CAMTA1: variants seen among roughly 807,000 people sequenced by gnomAD.
CAMTA1 encodes calmodulin-binding transcription activator 1.
In CAMTA1, 27 loss-of-function variants were observed where a neutral mutation model predicts 170.9. That is an observed-to-expected ratio of 0.16 (90% confidence interval 0.12 to 0.22). The LOEUF is 0.22. CAMTA1 is among the 10% of genes least tolerant of loss of function. The pLI is 1.00. For missense variants in CAMTA1, 1,619 were observed against 2,217.2 expected (o/e 0.73, Z 5.42); for synonymous variants, 833 against 891.5 (o/e 0.93, Z 1.17).
At chr1:7,589,605 A>C (rs2095340019) in intron 6 of CAMTA1, among the ~76,000 whole-genome samples, 1 of 151,808 alleles carries the variant, frequency 6.6e-6, no homozygotes, top group Non-Finnish European at 1.5e-5. Context: ...CCTTCCCTCG[A>C]CCTCTGTCGC....
At chr1:7,117,745 A>G (rs1336888957) in intron 4 of CAMTA1, among the ~76,000 whole-genome samples, 1 of 152,138 alleles carries the variant, frequency 6.6e-6, no homozygotes, top group South Asian at 2.1e-4. Context: ...AGCATATCTC[A>G]GCCATAATTG....
chr1:7,295,935 CAGGGCT>C (rs1673865196), intron 5 of CAMTA1, among the ~76,000 whole-genome samples: 1 of 152,242 alleles, frequency 6.6e-6, no homozygotes, highest in Non-Finnish European at 1.5e-5. Flanking sequence ...TCCTCCCACT[CAGGGCT>C]CCTTACAAGG....
intron 5 of CAMTA1, among the ~76,000 whole-genome samples, chr1:7,330,076 G>A (rs1340668778): frequency 6.6e-6 from 1 of 152,106 alleles, no homozygotes; most frequent in Non-Finnish European, 1.5e-5. Context: ...CAGCAGACAT[G>A]GAGATAGGAC....
chr1:7,480,106 A>AGC (rs1553177079), intron 6 of CAMTA1, among the ~76,000 whole-genome samples: 2 of 80,210 alleles, frequency 2.5e-5, no homozygotes, highest in African/African-American at 1.5e-4. Flanking sequence ...TGTGTGTGAG[A>AGC]GCGTGTGTGT....
At chr1:7,204,809 CT>C (rs61639082) in intron 4 of CAMTA1, among the ~76,000 whole-genome samples, 64,511 of 120,534 alleles carry the variant, frequency 0.54, 16,466 homozygotes, top group East Asian at 0.62. Context: ...GTCAGAGTTT[CT>C]TTTTTTTTTT....
At chr1:7,423,236 C>T (rs1161450615) in intron 5 of CAMTA1, among the ~76,000 whole-genome samples, 3 of 152,190 alleles carry the variant, frequency 2.0e-5, no homozygotes, top group South Asian at 2.1e-4. Context: ...TTTGGGAGGC[C>T]GAGGCAGGTG....
intron 3 of CAMTA1, among the ~76,000 whole-genome samples, chr1:6,941,848 A>G (rs931670130): frequency 6.6e-6 from 1 of 152,226 alleles, no homozygotes; most frequent in Non-Finnish European, 1.5e-5. Context: ...TGTGTCCACT[A>G]TAGGCATGGC....
At chr1:7,518,560 C>T (rs2094318682) in intron 6 of CAMTA1, among the ~76,000 whole-genome samples, 1 of 152,112 alleles carries the variant, frequency 6.6e-6, no homozygotes, top group East Asian at 1.9e-4. Context: ...AGCGTGTTGT[C>T]GGGCCGCCTT....
At chr1:7,351,607 C>T (rs887578496) in intron 5 of CAMTA1, among the ~76,000 whole-genome samples, 1 of 152,176 alleles carries the variant, frequency 6.6e-6, no homozygotes, top group African/African-American at 2.4e-5. Context: ...GGAGGCAGGC[C>T]ATTCGGGGTG....
intron 5 of CAMTA1, among the ~76,000 whole-genome samples, chr1:7,413,441 G>T (rs1302491170): frequency 6.6e-6 from 1 of 152,090 alleles, no homozygotes. Context: ...TTGAGCAGTG[G>T]TTTGTAGTTC....
chr1:6,952,074 A>T (rs1293961527), intron 3 of CAMTA1, among the ~76,000 whole-genome samples: 1 of 152,150 alleles, frequency 6.6e-6, no homozygotes, highest in Non-Finnish European at 1.5e-5. Flanking sequence ...CCTTCTGTCA[A>T]TGGTGACAGT....
intron 5 of CAMTA1, among the ~76,000 whole-genome samples, chr1:7,295,134 C>A (rs547986482): frequency 4.9e-4 from 74 of 152,270 alleles, no homozygotes; most frequent in African/African-American, 1.4e-3. Context: ...AGTTATGTAA[C>A]CTTCTGGCTT....
At chr1:7,424,431 T>C (rs929352696) in intron 5 of CAMTA1, among the ~76,000 whole-genome samples, 5 of 142,664 alleles carry the variant, frequency 3.5e-5, no homozygotes, top group African/African-American at 7.7e-5. Context: ...CATTCCTGTT[T>C]TGGCCACGCT....
intron 3 of CAMTA1, among the ~76,000 whole-genome samples, chr1:7,074,175 G>T (rs897776889): frequency 2.0e-5 from 3 of 152,138 alleles, no homozygotes; most frequent in South Asian, 2.1e-4. Context: ...CCCCATTTTG[G>T]CAGTTGTGAA....
At chr1:7,069,663 C>T (rs566529713) in intron 3 of CAMTA1, among the ~76,000 whole-genome samples, 28 of 152,102 alleles carry the variant, frequency 1.8e-4, no homozygotes, top group Non-Finnish European at 3.7e-4. Context: ...AGAGCCTGGA[C>T]AGCAGGCTCT....
chr1:7,524,349 A>C (rs556926637), intron 6 of CAMTA1, among the ~76,000 whole-genome samples: 1 of 152,318 alleles, frequency 6.6e-6, no homozygotes, highest in Non-Finnish European at 1.5e-5. Context: ...CTCCAGCTTT[A>C]CTGGATTCAC....
rs1691313853 is a variant in CAMTA1 at position 6,965,223 on chromosome 1, G to A, written c.235-126081G>A. Among the ~76,000 whole-genome samples the A allele has an allele frequency of 6.6e-6, 1 of 152,126 alleles. No homozygotes were observed. Among genetic ancestry groups the A allele is most frequent in the South Asian group, 2.1e-4 (1 of 4,822 alleles). On this transcript the variant is annotated intron_variant, in intron 3 of 22. Transcript: ENST00000303635. This position sits in a 1 kb window ranked among gnomAD's most constrained non-coding sequence, Gnocchi z 4.1. ...TGTGTGTATGACTTTGTGTGCTTGTGTGTGTCTGTGCATGTGTGCATGTGT... is the reference window on the plus strand; with the variant it reads ...TGTGTGTATGACTTTGTGTGCTTGTATGTGTCTGTGCATGTGTGCATGTGT...
chr1:7,275,585 G>T (rs1230740406), intron 5 of CAMTA1, among the ~76,000 whole-genome samples: 2 of 151,966 alleles, frequency 1.3e-5, no homozygotes, highest in Non-Finnish European at 2.9e-5. Flanking sequence ...CACTACAGAT[G>T]CTATACACAT....
At position 7,245,804 on chromosome 1, in the gene CAMTA1, G is replaced by C. The variant is rs1665675357; in HGVS notation, c.303-3687G>C. 2.0e-5 allele frequency among the ~76,000 whole-genome samples: 3 copies of C among 152,248 alleles called. No homozygotes were observed. The South Asian group carries it at 6.2e-4, about 32-fold the overall frequency. ...AGGAGATCCCGAGATGAAGACTTGA[G>C]TGTGAACAGTTTATCTGAGAAGCCA... is the stretch of plus-strand genomic sequence containing the variant. On this transcript the variant is annotated intron_variant, in intron 4 of 22. Transcript: ENST00000303635.
Sources: gnomAD v4.1 joint callset for allele counts (sites outside exome capture counted in the v4.1 genomes callset) on GRCh38, gnomAD v4.1.1 for gene constraint, Gnocchi (gnomAD v3.1) non-coding constraint, MANE v1.5 for transcripts, NCBI Gene and HGNC (gene_info 2026-07-23, HGNC 2026-07-21) for gene names.